GRID2: variants seen among roughly 807,000 people sequenced by gnomAD.
GRID2 encodes glutamate ionotropic receptor delta type subunit 2.
GRID2 carries 33 observed loss-of-function variants against 114.8 expected under a neutral mutation model. The ratio of observed to expected loss-of-function variants is 0.29; its 90% CI spans 0.22 to 0.38. The LOEUF (loss-of-function observed/expected upper bound fraction) is 0.38. GRID2 is among the 10% of genes least tolerant of loss of function. The pLI is 1.00. For missense variants in GRID2, 1,184 were observed against 1,257.7 expected (o/e 0.94, Z 0.89); for synonymous variants, 505 against 449.9 (o/e 1.12, Z -1.55).
chr4:92,993,291 TAA>T (rs576389929), intron 2 of GRID2, among the ~76,000 whole-genome samples: 2 of 141,072 alleles, frequency 1.4e-5, no homozygotes. Context: ...ATAGTAGCAT[TAA>T]AAAAAAAAAA....
intron 4 of GRID2, among the ~76,000 whole-genome samples, chr4:93,125,086 T>C (rs1043398740): frequency 1.3e-5 from 2 of 152,074 alleles, no homozygotes; most frequent in African/African-American, 4.8e-5. Context: ...ATAGCCAAGA[T>C]ACCTAAATCT....
At chr4:92,973,496 G>T (rs1753654553) in intron 2 of GRID2, among the ~76,000 whole-genome samples, 1 of 152,088 alleles carries the variant, frequency 6.6e-6, no homozygotes, top group African/African-American at 2.4e-5. Context: ...TAGCTGTTGT[G>T]TAAATGAGAA....
intron 14 of GRID2, among the ~76,000 whole-genome samples, chr4:93,713,993 A>G (rs560491717): frequency 3.3e-5 from 5 of 152,098 alleles, no homozygotes; most frequent in Non-Finnish European, 7.4e-5. Flanking sequence ...TTTGTTACGT[A>G]GGTAAACATG....
chr4:93,500,902 C>T (rs1167663932), intron 12 of GRID2, among the ~76,000 whole-genome samples: 1 of 152,024 alleles, frequency 6.6e-6, no homozygotes, highest in East Asian at 1.9e-4. Context: ...ATATTCATAA[C>T]TATATTTAGT....
chr4:93,333,481 T>G (rs1000540098), intron 8 of GRID2, among the ~76,000 whole-genome samples: 1 of 152,150 alleles, frequency 6.6e-6, no homozygotes. Flanking sequence ...TTTTTTAAAA[T>G]CACATGTGGC....
intron 1 of GRID2, among the ~76,000 whole-genome samples, chr4:92,305,321 A>G (rs1725321190): frequency 6.6e-6 from 1 of 151,940 alleles, no homozygotes; most frequent in South Asian, 2.1e-4. Flanking sequence ...TGGCTTTATG[A>G]TCCTTGCGTG....
intron 1 of GRID2, among the ~76,000 whole-genome samples, chr4:92,563,767 A>G (rs1468133713): frequency 6.6e-6 from 1 of 152,084 alleles, no homozygotes; most frequent in Non-Finnish European, 1.5e-5. Flanking sequence ...AATTAGTCAG[A>G]TATTTTTCTG....
intron 2 of GRID2, among the ~76,000 whole-genome samples, chr4:92,993,593 A>G (rs1755033523): frequency 1.3e-5 from 2 of 152,202 alleles, no homozygotes; most frequent in South Asian, 2.1e-4. Context: ...CAATCTAGTC[A>G]TGATACTGTG....
At chr4:93,036,113 A>G (rs994847122) in intron 2 of GRID2, among the ~76,000 whole-genome samples, 12 of 152,220 alleles carry the variant, frequency 7.9e-5, no homozygotes, top group African/African-American at 2.4e-4. Flanking sequence ...ATGAGTCTAT[A>G]TTTCGGTGGT....
At chr4:93,604,413 C>A (rs1480181161) in intron 13 of GRID2, among the ~76,000 whole-genome samples, 1 of 152,154 alleles carries the variant, frequency 6.6e-6, no homozygotes, top group Non-Finnish European at 1.5e-5. Context: ...TAAGGAGTCA[C>A]TTCTTATGGA....
chr4:92,891,771 G>T (rs962768393), intron 2 of GRID2, among the ~76,000 whole-genome samples: 23 of 152,010 alleles, frequency 1.5e-4, no homozygotes, highest in Admixed American at 9.8e-4. Context: ...AAGTACTGGG[G>T]GTGCAGAGTA....
rs1457203125 is a variant in GRID2, at chr4:93,039,094, T to C, written c.245-45901T>C. ...AAATGTCCATCAATGATAGACTGGA[T>C]AAAGAAAATGTGGCACATATACACC... On this transcript the variant is annotated intron_variant, in intron 2 of 15. Transcript: ENST00000282020. Among the ~76,000 whole-genome samples, 4 of 151,986 alleles carry C rather than the reference T, an allele frequency of 2.6e-5. No individual in the cohort carries two copies. In the South Asian group the frequency reaches 6.2e-4, roughly 24 times the overall value.
chr4:92,819,619 A>G (rs1741138396), intron 2 of GRID2, among the ~76,000 whole-genome samples: 1 of 151,948 alleles, frequency 6.6e-6, no homozygotes, highest in Admixed American at 6.6e-5. Context: ...GGTCATTCTT[A>G]CTATTTAAAA....
chr4:92,899,935 G>A (rs1010909712), intron 2 of GRID2, among the ~76,000 whole-genome samples: 7 of 152,116 alleles, frequency 4.6e-5, no homozygotes, highest in Admixed American at 2.0e-4. Flanking sequence ...CCTAGCCCTC[G>A]TCAAGGAGGT....
intron 2 of GRID2, among the ~76,000 whole-genome samples, chr4:92,655,595 T>G (rs558054915): frequency 6.6e-6 from 1 of 152,000 alleles, no homozygotes; most frequent in East Asian, 1.9e-4. Context: ...TTTCACTTCT[T>G]TGGTTAAATT....
intron 8 of GRID2, among the ~76,000 whole-genome samples, chr4:93,372,656 C>T (rs13118178): frequency 6.6e-6 from 1 of 152,014 alleles, no homozygotes; most frequent in Non-Finnish European, 1.5e-5. Context: ...AACCATTTTT[C>T]ACTGTCTATT....
chr4:92,680,572 T>G (rs1164775356), intron 2 of GRID2, among the ~76,000 whole-genome samples: 1 of 152,138 alleles, frequency 6.6e-6, no homozygotes, highest in African/African-American at 2.4e-5. Flanking sequence ...GCAACTAAAC[T>G]GAATCTTGAA....
intron 11 of GRID2, among the ~76,000 whole-genome samples, chr4:93,468,120 A>G (rs2149430356): frequency 6.6e-6 from 1 of 152,320 alleles, no homozygotes; most frequent in East Asian, 1.9e-4. Flanking sequence ...CCCTTCAGTC[A>G]TTTGAACAAA....
chr4:92,900,833 C>CAAA (rs34089162), intron 2 of GRID2, among the ~76,000 whole-genome samples: 17 of 72,310 alleles, frequency 2.4e-4, no homozygotes, highest in Admixed American at 3.8e-4. Flanking sequence ...GACTTCGTCT[C>CAAA]AAAAAAAAAA....
Sources: allele counts gnomAD v4.1 joint callset (sites outside exome capture counted in the v4.1 genomes callset), GRCh38; gene constraint gnomAD v4.1.1; transcripts MANE v1.5; gene names NCBI Gene and HGNC (gene_info 2026-07-23, HGNC 2026-07-21).